The following KCNQ3 variants were observed in gnomAD, a reference collection of about 807,000 sequenced individuals.
KCNQ3 encodes the protein potassium voltage-gated channel subfamily KQT member 3.
KCNQ3 carries 30 observed loss-of-function variants against 92.5 expected under a neutral mutation model. The ratio of observed to expected loss-of-function variants is 0.32; its 90% CI spans 0.24 to 0.44. The LOEUF (loss-of-function observed/expected upper bound fraction) is 0.44. Among genes scored for constraint, KCNQ3 ranks in the 20% least tolerant of loss-of-function variants. The probability of loss-of-function intolerance (pLI) is 1.00; values close to 1 mark genes in which losing one functional copy is unlikely to be tolerated. For missense variants in KCNQ3, 913 were observed against 1,140.3 expected, an observed-to-expected ratio of 0.80 and a Z score of 2.87; for synonymous variants, 450 against 468.8, an observed-to-expected ratio of 0.96 and a Z score of 0.52.
chr8:132,455,870 T>C (rs1563918255), intron 1 of KCNQ3, among the ~76,000 whole-genome samples: 1 of 152,000 alleles, frequency 6.6e-6, no homozygotes, highest in Non-Finnish European at 1.5e-5. Context: ...GCCTCCCAAG[T>C]AGCTGGGACT....
intron 1 of KCNQ3, among the ~76,000 whole-genome samples, chr8:132,334,946 GTCTT>G (rs1818325475): frequency 6.6e-6 from 1 of 152,086 alleles, no homozygotes; most frequent in South Asian, 2.1e-4. Context: ...AGCCAAAGTG[GTCTT>G]TCTAAAATCA....
intron 1 of KCNQ3, among the ~76,000 whole-genome samples, chr8:132,316,753 C>G (rs1266271969): frequency 1.3e-5 from 2 of 152,336 alleles, no homozygotes; most frequent in East Asian, 1.9e-4. Flanking sequence ...ATTGGCAGTT[C>G]TACGAACCAG....
intron 1 of KCNQ3, among the ~76,000 whole-genome samples, chr8:132,446,729 T>C (rs766766823): frequency 3.3e-5 from 5 of 152,218 alleles, no homozygotes; most frequent in Admixed American, 2.6e-4. Context: ...GCAATGTATA[T>C]TTAATATTGA....
intron 14 of KCNQ3, 85 bp from the exon 15 acceptor site, chr8:132,130,081 T>G (rs545575442): frequency 3.9e-5 from 53 of 1,374,542 alleles, no homozygotes; most frequent in East Asian, 3.0e-4. Context: ...ATTCTTTTTT[T>G]TTGTTTTTTT....
At chr8:132,338,752 T>C (rs1818437624) in intron 1 of KCNQ3, among the ~76,000 whole-genome samples, 1 of 152,050 alleles carries the variant, frequency 6.6e-6, no homozygotes, top group African/African-American at 2.4e-5. Context: ...ACAGAAAAAA[T>C]TAAGCTGCTT....
intron 9 of KCNQ3, among the ~76,000 whole-genome samples, chr8:132,155,481 A>C (rs770256511): frequency 6.6e-6 from 1 of 152,146 alleles, no homozygotes; most frequent in African/African-American, 2.4e-5. Context: ...ACCTTTAAAT[A>C]ATACTTACCA....
intron 1 of KCNQ3, among the ~76,000 whole-genome samples, chr8:132,194,285 AG>A (rs1408283620): frequency 6.6e-6 from 1 of 152,256 alleles, no homozygotes; most frequent in Non-Finnish European, 1.5e-5. Context: ...TTCGATCTTA[AG>A]AAGGAGACAT....
intron 1 of KCNQ3, among the ~76,000 whole-genome samples, chr8:132,220,188 C>T (rs749391704): frequency 1.4e-4 from 21 of 152,100 alleles, no homozygotes; most frequent in Non-Finnish European, 2.9e-4. Flanking sequence ...TAAAGAAAGG[C>T]ATGCAGACTG....
At chr8:132,267,963 T>C (rs768931326) in intron 1 of KCNQ3, among the ~76,000 whole-genome samples, 1 of 152,208 alleles carries the variant, frequency 6.6e-6, no homozygotes, top group Non-Finnish European at 1.5e-5. Flanking sequence ...ATAGTTCACA[T>C]TAGGGTTCAC....
chr8:132,336,238 C>G (rs1430248668), intron 1 of KCNQ3, among the ~76,000 whole-genome samples: 1 of 152,224 alleles, frequency 6.6e-6, no homozygotes, highest in East Asian at 1.9e-4. Context: ...GGGGTCTCCC[C>G]TGCACCATTG....
At chr8:132,190,457 T>C (rs1047903025) in intron 1 of KCNQ3, among the ~76,000 whole-genome samples, 11 of 152,210 alleles carry the variant, frequency 7.2e-5, no homozygotes, top group Non-Finnish European at 5.9e-5. Context: ...CTAGAGATTC[T>C]CCTGCTGGTC....
At chr8:132,304,345 A>C (rs1817350747) in intron 1 of KCNQ3, among the ~76,000 whole-genome samples, 1 of 152,256 alleles carries the variant, frequency 6.6e-6, no homozygotes, top group East Asian at 1.9e-4. Flanking sequence ...TAGCCTTAAA[A>C]AAATGAAGCT....
chr8:132,450,119 T>C (rs1821786241), intron 1 of KCNQ3, among the ~76,000 whole-genome samples: 1 of 152,174 alleles, frequency 6.6e-6, no homozygotes, highest in African/African-American at 2.4e-5. Context: ...TTCCACAGCA[T>C]GGAAGGGGAC....
intron 1 of KCNQ3, among the ~76,000 whole-genome samples, chr8:132,207,714 T>C (rs1813708271): frequency 6.6e-6 from 1 of 152,120 alleles, no homozygotes; most frequent in African/African-American, 2.4e-5. Flanking sequence ...ACTTTTTTTT[T>C]TTTATCCCAT....
At chr8:132,267,255 T>C (rs1264303166) in intron 1 of KCNQ3, among the ~76,000 whole-genome samples, 1 of 152,148 alleles carries the variant, frequency 6.6e-6, no homozygotes, top group Non-Finnish European at 1.5e-5. Flanking sequence ...GGCCCCTAAT[T>C]ATGTTAAACC....
intron 1 of KCNQ3, among the ~76,000 whole-genome samples, chr8:132,199,647 C>T (rs368368043): frequency 2.6e-5 from 4 of 152,262 alleles, no homozygotes; most frequent in Admixed American, 2.0e-4. Context: ...CGGTGGCTCA[C>T]GCCTGTAATC....
At chr8:132,355,232 C>T (rs537517306) in intron 1 of KCNQ3, among the ~76,000 whole-genome samples, 1 of 152,174 alleles carries the variant, frequency 6.6e-6, no homozygotes, top group African/African-American at 2.4e-5. Context: ...AAAAACACCT[C>T]AAGGCTATTT....
chr8:132,177,317 A>AT (rs1826595150), intron 4 of KCNQ3, among the ~76,000 whole-genome samples: 1 of 152,112 alleles, frequency 6.6e-6, no homozygotes, highest in Admixed American at 6.5e-5. Flanking sequence ...ACTTTATACA[A>AT]TTTTTGCTAG....
At chr8:132,330,524 A>G (rs1818198820) in intron 1 of KCNQ3, among the ~76,000 whole-genome samples, 1 of 151,628 alleles carries the variant, frequency 6.6e-6, no homozygotes, top group Admixed American at 6.6e-5. Context: ...CATTTGGGGG[A>G]CTCTAGTCTG....
Sources: gnomAD v4.1 joint callset for allele counts (sites outside exome capture counted in the v4.1 genomes callset) on GRCh38, gnomAD v4.1.1 for gene constraint, MANE v1.5 for transcripts, NCBI Gene and HGNC (gene_info 2026-07-23, HGNC 2026-07-21) for gene names.